Variants in KHDC1 observed in about 807,000 individuals in gnomAD.
KHDC1 encodes KH homology domain-containing protein 1.
In KHDC1, 21 loss-of-function variants were observed where a neutral mutation model predicts 24.7. The ratio of observed to expected loss-of-function variants is 0.85; its 90% CI spans 0.60 to 1.23. The LOEUF (loss-of-function observed/expected upper bound fraction) is 1.23, where lower values mean the gene tolerates loss of function less well. KHDC1 is among the 50% of genes most tolerant of loss of function. KHDC1 has a pLI of 0.00. For missense variants in KHDC1, 274 were observed against 298.5 expected, an observed-to-expected ratio of 0.92 and a Z score of 0.61; for synonymous variants, 98 against 111.7, an observed-to-expected ratio of 0.88 and a Z score of 0.77.
At chr6:73,244,622 C>T (rs1001944736) in intron 2 of KHDC1, among the ~76,000 whole-genome samples, 2 of 139,034 alleles carry the variant, frequency 1.4e-5, no homozygotes, top group Non-Finnish European at 3.0e-5. Context: ...AACAATGAAT[C>T]GGGGAGTGGT....
intron 2 of KHDC1, among the ~76,000 whole-genome samples, chr6:73,254,467 AAAAT>A (rs199968966): frequency 0.59 from 83,331 of 140,080 alleles, 25,273 homozygotes; most frequent in Non-Finnish European, 0.67. Flanking sequence ...TCTTAAAATA[AAAAT>A]AAATAAATAA....
intron 1 of KHDC1, among the ~76,000 whole-genome samples, chr6:73,298,731 C>T (rs1341003652): frequency 6.6e-6 from 1 of 151,328 alleles, no homozygotes; most frequent in Admixed American, 6.6e-5. Flanking sequence ...CTACGCCCGG[C>T]CTGTAAACTT....
intron 1 of KHDC1, chr6:73,309,531 A>T: frequency 6.7e-7 from 1 of 1,495,468 alleles, no homozygotes; most frequent in Non-Finnish European, 8.9e-7. Context: ...TTTTCCTACC[A>T]GGGCCCCTAA....
intron 2 of KHDC1, among the ~76,000 whole-genome samples, chr6:73,284,417 C>G (rs1767479429): frequency 6.6e-6 from 1 of 152,150 alleles, no homozygotes; most frequent in Non-Finnish European, 1.5e-5. Flanking sequence ...GGTCCCCACC[C>G]AGAGGTGGGC....
intron 2 of KHDC1, chr6:73,291,324 AAC>A (rs1362881332): frequency 4.8e-6 from 1 of 206,324 alleles, no homozygotes; most frequent in Non-Finnish European, 9.9e-6. Context: ...GGAAATAAAC[AAC>A]AGTTTCCAAG....
At chr6:73,292,624 T>G (rs1320685558) in intron 1 of KHDC1, 1 of 759,166 alleles carries the variant, frequency 1.3e-6, no homozygotes, top group Non-Finnish European at 2.5e-6. Context: ...CTCTGTTTTC[T>G]TCAATCACCC....
intron 2 of KHDC1, among the ~76,000 whole-genome samples, chr6:73,287,047 T>C (rs1442748935): frequency 2.6e-5 from 4 of 152,120 alleles, no homozygotes; most frequent in African/African-American, 4.8e-5. Flanking sequence ...AAAAGGTAGA[T>C]GAATGAAAAG....
chr6:73,271,358 C>T lies in KHDC1; in HGVS notation c.206+20640G>A, dbSNP rs146465956. ...CTCAGTAGCTGGGATTACAGGCACCCGTCACCACACCTGGCTAATTTTGTA... is the reference window on the plus strand; with the variant it reads ...CTCAGTAGCTGGGATTACAGGCACCTGTCACCACACCTGGCTAATTTTGTA... On this transcript the variant is annotated intron_variant, in intron 2 of 4. Transcript: ENST00000370384. Among the ~76,000 whole-genome samples the T allele has an allele frequency of 1.4e-3, 218 of 151,436 alleles. 1 individual carries two copies. Among genetic ancestry groups the T allele is most frequent in the African/African-American group, 5.1e-3 (210 of 41,292 alleles).
intron 2 of KHDC1, among the ~76,000 whole-genome samples, chr6:73,265,324 G>A (rs1335009273): frequency 6.6e-6 from 1 of 152,104 alleles, no homozygotes; most frequent in African/African-American, 2.4e-5. Flanking sequence ...GAGGTCGGGA[G>A]TTTAAGATCA....
intron 2 of KHDC1, among the ~76,000 whole-genome samples, chr6:73,291,616 C>T (rs1032306646): frequency 1.3e-5 from 2 of 152,080 alleles, no homozygotes; most frequent in Admixed American, 1.3e-4. Flanking sequence ...CATTTGCCAC[C>T]GTGCCTGGTG....
At chr6:73,260,738 A>C (rs976756153) in intron 2 of KHDC1, among the ~76,000 whole-genome samples, 1 of 152,244 alleles carries the variant, frequency 6.6e-6, no homozygotes, top group African/African-American at 2.4e-5. Context: ...GATATTTTCA[A>C]ATTTCAGTTT....
At chr6:73,272,790 A>G (rs1177822160) in intron 2 of KHDC1, among the ~76,000 whole-genome samples, 1 of 151,464 alleles carries the variant, frequency 6.6e-6, no homozygotes, top group Non-Finnish European at 1.5e-5. Context: ...GGGAAAAGAA[A>G]AAAACAGGGA....
At chr6:73,255,728 C>A (rs1200443358) in intron 2 of KHDC1, among the ~76,000 whole-genome samples, 1 of 150,502 alleles carries the variant, frequency 6.6e-6, no homozygotes, top group Non-Finnish European at 1.5e-5. Flanking sequence ...ACAGTGAAAT[C>A]CCATCTCTAC....
At chr6:73,248,110 G>A (rs972986565) in intron 2 of KHDC1, among the ~76,000 whole-genome samples, 3 of 152,146 alleles carry the variant, frequency 2.0e-5, no homozygotes, top group Non-Finnish European at 4.4e-5. Context: ...CCCAGACCTG[G>A]CATCAGGTCC....
At chr6:73,271,667 G>A (rs371492675) in intron 2 of KHDC1, among the ~76,000 whole-genome samples, 1 of 150,628 alleles carries the variant, frequency 6.6e-6, no homozygotes, top group African/African-American at 2.4e-5. Context: ...GCCGAGGTGG[G>A]TGGATCACCT....
Position 73,263,067 on chromosome 6 carries a change from GGCA to G in KHDC1, c.207-20540_207-20538del, listed in dbSNP as rs1554225337. On this transcript the variant is annotated intron_variant, in intron 2 of 4. Transcript: ENST00000370384. ...CGGCGGCGGCGGCGGCGGCGGCGGC[GGCA>G]GCGGCGGCAGCGGCTGCAGGCCTGG... 24 of 108,832 alleles carry G rather than the reference GGCA, an allele frequency of 2.2e-4. 1 individual carries two copies. Among genetic ancestry groups the G allele is most frequent in the Middle Eastern group, 4.2e-3 (1 of 238 alleles). The allele number at this position is 108,832 out of a possible 1,614,324, so 6.7% of individuals were successfully genotyped here. A position where few individuals can be genotyped will look rare whatever the true frequency, so the allele number is the denominator to read the frequency against.
At chr6:73,298,422 AATTTT>A (rs143760051) in intron 1 of KHDC1, among the ~76,000 whole-genome samples, 11 of 115,038 alleles carry the variant, frequency 9.6e-5, no homozygotes, top group South Asian at 2.7e-4. Context: ...ATACTTTGCA[AATTTT>A]TTTTTTTTTT....
At chr6:73,261,436 A>AAAAT (rs768391364) in intron 2 of KHDC1, among the ~76,000 whole-genome samples, 1 of 151,788 alleles carries the variant, frequency 6.6e-6, no homozygotes, top group Non-Finnish European at 1.5e-5. Flanking sequence ...TCTGTCTCAA[A>AAAAT]AAATAAATAA....
chr6:73,265,061 G>A (rs1324950372), intron 2 of KHDC1, among the ~76,000 whole-genome samples: 4 of 152,124 alleles, frequency 2.6e-5, no homozygotes, highest in African/African-American at 9.7e-5. Flanking sequence ...GATGCAGGGT[G>A]TAGTTTCAAT....
Sources: gnomAD v4.1 joint callset for allele counts (sites outside exome capture counted in the v4.1 genomes callset) on GRCh38, gnomAD v4.1.1 for gene constraint, MANE v1.5 for transcripts, NCBI Gene and HGNC (gene_info 2026-07-23, HGNC 2026-07-21) for gene names.